The following BICC1 variants were observed in gnomAD, a reference collection of about 807,000 sequenced individuals.
BICC1 encodes BicC family RNA binding protein 1.
A neutral mutation model predicts 111.0 loss-of-function variants in BICC1; 43 were observed. The ratio of observed to expected loss-of-function variants is 0.39; its 90% confidence interval spans 0.30 to 0.50. The LOEUF is 0.50. BICC1 is among the 20% of genes least tolerant of loss of function. The pLI, the probability that BICC1 is intolerant of heterozygous loss-of-function variation, is 0.88. For missense variants in BICC1, 1,091 were observed against 1,203.2 expected, an observed-to-expected ratio of 0.91 and a Z score of 1.38; for synonymous variants, 467 against 434.4, an observed-to-expected ratio of 1.07 and a Z score of -0.93.
chr10:58,802,969 G>A, intron 14 of BICC1, 108 bp from the exon 15 acceptor site: 1 of 1,100,462 alleles, frequency 9.1e-7, no homozygotes, highest in Non-Finnish European at 1.2e-6. Context: ...GAGACTACGT[G>A]TAAATAGCTG....
chr10:58,786,580 T>C (rs1843016964), intron 4 of BICC1, among the ~76,000 whole-genome samples: 1 of 152,200 alleles, frequency 6.6e-6, no homozygotes, highest in Non-Finnish European at 1.5e-5. Context: ...TTTTTAGTTA[T>C]TTGAATTAAA....
chr10:58,761,087 G>A (rs1349055162), intron 3 of BICC1, among the ~76,000 whole-genome samples: 15 of 151,980 alleles, frequency 9.9e-5, no homozygotes, highest in Non-Finnish European at 2.2e-4. Context: ...TGAACTCCTG[G>A]ACTCAAGTGA....
chr10:58,736,955 T>G (rs565827995), intron 3 of BICC1, among the ~76,000 whole-genome samples: 2 of 152,218 alleles, frequency 1.3e-5, no homozygotes, highest in African/African-American at 4.8e-5. Flanking sequence ...TTTTTTTGTC[T>G]GGGGCATAGA....
intron 2 of BICC1, among the ~76,000 whole-genome samples, chr10:58,625,236 ACTGT>A (rs1204727086): frequency 1.3e-5 from 2 of 152,092 alleles, no homozygotes; most frequent in Non-Finnish European, 2.9e-5. Flanking sequence ...TGGCTTACTC[ACTGT>A]CTGTCCTATT....
intron 1 of BICC1, among the ~76,000 whole-genome samples, chr10:58,519,631 C>A (rs1042697960): frequency 1.3e-5 from 2 of 151,744 alleles, no homozygotes; most frequent in Non-Finnish European, 2.9e-5. Context: ...AATTTTTTTT[C>A]ATCAGGCAGC....
intron 8 of BICC1, among the ~76,000 whole-genome samples, chr10:58,790,425 T>C (rs1843142078): frequency 1.3e-5 from 2 of 152,226 alleles, no homozygotes; most frequent in African/African-American, 2.4e-5. Flanking sequence ...AGTCACAAAT[T>C]CGAGCGTCAC....
intron 1 of BICC1, among the ~76,000 whole-genome samples, chr10:58,579,491 A>C (rs565983218): frequency 5.2e-4 from 79 of 152,276 alleles, no homozygotes; most frequent in Admixed American, 5.9e-4. Flanking sequence ...TGTCACCATG[A>C]TCAGATCCCG....
intron 1 of BICC1, among the ~76,000 whole-genome samples, chr10:58,575,299 G>A (rs1564494217): frequency 7.6e-6 from 1 of 131,928 alleles, no homozygotes; most frequent in Non-Finnish European, 1.7e-5. Flanking sequence ...CTTTTAAAGA[G>A]TATCAAAGAT....
At chr10:58,757,197 A>G (rs1257972229) in intron 3 of BICC1, among the ~76,000 whole-genome samples, 2 of 152,206 alleles carry the variant, frequency 1.3e-5, no homozygotes, top group Admixed American at 6.5e-5. Context: ...CAGGCATGAA[A>G]TCAGCCACCT....
chr10:58,776,040 T>C (rs1051275160), intron 3 of BICC1, among the ~76,000 whole-genome samples: 11 of 152,340 alleles, frequency 7.2e-5, no homozygotes, highest in Non-Finnish European at 1.6e-4. Flanking sequence ...TGCTAAGTTA[T>C]TTTTAGAATC....
intron 1 of BICC1, among the ~76,000 whole-genome samples, chr10:58,521,239 G>T (rs1842378789): frequency 6.6e-6 from 1 of 152,054 alleles, no homozygotes; most frequent in South Asian, 2.1e-4. Flanking sequence ...TGTGGCCTGG[G>T]ACAAATTAAT....
In BICC1 at chr10:58,513,241, A is replaced by G. The variant is rs533878338; in HGVS notation, c.98A>G (p.Asp33Gly). The G allele has an allele frequency of 4.3e-6, 7 of 1,612,932 alleles. No individual in the cohort carries two copies. The highest frequency in any genetic ancestry group is 5.9e-6 in the Non-Finnish European group (7 of 1,179,632). The change falls in exon 1 of 21, where the codon GAC becomes GGC. Residue 33 changes from aspartate to glycine, a missense_variant. Around this residue, in one of 3 missense-constraint regions of BICC1, gnomAD observed 843 missense variants for 900.8 expected, o/e 0.94. Coordinates refer to ENST00000373886, the MANE Select transcript of BICC1 (RefSeq NM_001080512.3). ...GACTCCCCAGTGCCCGGCTCCGAGG[A>G]CGACTTGGTCGCCGGGGCGACCCTG... ...STDSPVPGSE[D>G]DLVAGATLHS... is the part of the protein sequence containing the mutation.
At chr10:58,632,092 T>C (rs1397733156) in intron 2 of BICC1, among the ~76,000 whole-genome samples, 1 of 152,206 alleles carries the variant, frequency 6.6e-6, no homozygotes, top group African/African-American at 2.4e-5. Context: ...AAAGTGGGTA[T>C]GTGTGTCTTC....
rs1844508674 is a variant in BICC1, at chr10:58,829,877, T to C, written c.*986T>C. 1 of 152,212 alleles carries C rather than the reference T, an allele frequency of 6.6e-6. No individual in the cohort carries two copies. Among genetic ancestry groups the C allele is most frequent in the Non-Finnish European group, 1.5e-5 (1 of 68,038 alleles). 9.4% of individuals were successfully genotyped at this position (152,212 alleles called of 1,614,324 possible). A position where few individuals can be genotyped will look rare whatever the true frequency, so the allele number is the denominator to read the frequency against. ...GAAATTGATATTTACTAGAGATTTA[T>C]GGTAGAGAATGGACGACATTCAATA... On this transcript the variant is annotated 3_prime_UTR_variant, in exon 21 of 21. Transcript: ENST00000373886.
intron 3 of BICC1, among the ~76,000 whole-genome samples, chr10:58,702,834 C>A (rs1489778259): frequency 2.0e-5 from 3 of 152,164 alleles, no homozygotes; most frequent in Admixed American, 2.0e-4. Context: ...AATGCAGATG[C>A]ATGTAGTTGT....
At chr10:58,740,323 A>G (rs1841617495) in intron 3 of BICC1, among the ~76,000 whole-genome samples, 1 of 152,256 alleles carries the variant, frequency 6.6e-6, no homozygotes, top group Non-Finnish European at 1.5e-5. Context: ...AAAGACGATT[A>G]TAATTTAGAA....
chr10:58,756,265 G>A (rs1453401742), intron 3 of BICC1, among the ~76,000 whole-genome samples: 1 of 151,714 alleles, frequency 6.6e-6, no homozygotes, highest in Non-Finnish European at 1.5e-5. Flanking sequence ...TTGCTTTTCC[G>A]TTTTTTGCAT....
At chr10:58,700,180 AAC>A (rs1179948710) in intron 2 of BICC1, among the ~76,000 whole-genome samples, 1 of 152,176 alleles carries the variant, frequency 6.6e-6, no homozygotes, top group African/African-American at 2.4e-5. Flanking sequence ...GAGGGAAATA[AAC>A]ACAGTGAGGT....
intron 1 of BICC1, among the ~76,000 whole-genome samples, chr10:58,586,529 T>C (rs1471679721): frequency 1.4e-5 from 2 of 146,344 alleles, no homozygotes; most frequent in Non-Finnish European, 3.0e-5. Context: ...TGAACCGGGG[T>C]TGGGGGCGGG....
Sources: gnomAD v4.1 joint callset for allele counts (sites outside exome capture counted in the v4.1 genomes callset) on GRCh38, gnomAD v4.1.1 for gene constraint, gnomAD v4.1.1 regional missense constraint, MANE v1.5 for transcripts, NCBI Gene and HGNC (gene_info 2026-07-23, HGNC 2026-07-21) for gene names.